The following CSPP1 variants were observed in gnomAD, a reference collection of about 807,000 sequenced individuals.
CSPP1 encodes centrosome and spindle pole associated protein 1, also known as centrosome and spindle pole-associated protein 1.
A neutral mutation model predicts 164.4 loss-of-function variants in CSPP1; 126 were observed. That is an observed-to-expected ratio of 0.77 (90% CI 0.66 to 0.89). The LOEUF (loss-of-function observed/expected upper bound fraction) is 0.89. CSPP1 is among the 40% of genes least tolerant of loss of function. The pLI is 0.00. For synonymous variants in CSPP1, 472 were observed against 476.7 expected (o/e 0.99, Z 0.13); for missense variants, 1,395 against 1,449.8 (o/e 0.96, Z 0.61).
intron 9 of CSPP1, among the ~76,000 whole-genome samples, chr8:67,110,645 T>G (rs1816665138): frequency 6.6e-6 from 1 of 152,164 alleles, no homozygotes; most frequent in South Asian, 2.1e-4. Flanking sequence ...CCTTCCTGAA[T>G]TTTGCTCTTT....
intron 17 of CSPP1, among the ~76,000 whole-genome samples, chr8:67,143,569 G>A (rs926508804): frequency 3.9e-5 from 6 of 151,988 alleles, no homozygotes; most frequent in African/African-American, 1.4e-4. Flanking sequence ...AGTGGGCAGT[G>A]TATATCCATT....
rs368343274 is a variant in CSPP1, at chr8:67,169,729, C to T, written c.2829-2687C>T. ...TGCTGGGATTACAGGTGTGAGCCAC[C>T]GTGCCCGGCCAGTACCATATTTCTT... On this transcript the variant is annotated intron_variant, in intron 24 of 30. Coordinates refer to ENST00000678616, the MANE Select transcript of CSPP1 (RefSeq NM_001382391.1). Among the ~76,000 whole-genome samples, 103 of 151,768 alleles carry T rather than the reference C, an allele frequency of 6.8e-4. 1 individual carries two copies. Among genetic ancestry groups the T allele is most frequent in the Middle Eastern group, 3.4e-3 (1 of 294 alleles).
At chr8:67,099,481 G>A (rs1008884143) in intron 7 of CSPP1, 1 of 152,116 alleles carries the variant, frequency 6.6e-6, no homozygotes, top group African/African-American at 2.4e-5. Flanking sequence ...GGGACAAACT[G>A]AACCTAAACA....
At chr8:67,119,844 T>G (rs1818646225) in intron 15 of CSPP1, among the ~76,000 whole-genome samples, 1 of 152,202 alleles carries the variant, frequency 6.6e-6, no homozygotes, top group Non-Finnish European at 1.5e-5. Context: ...GTCTTGATAT[T>G]GCCTTTTGAT....
intron 21 of CSPP1, among the ~76,000 whole-genome samples, chr8:67,159,371 T>G (rs774157922): frequency 8.5e-5 from 13 of 152,096 alleles, no homozygotes; most frequent in Non-Finnish European, 1.9e-4. Context: ...TGAGCCATTC[T>G]TAGTCTCATT....
At chr8:67,081,174 A>T (rs1201209101) in intron 3 of CSPP1, 1 of 132,494 alleles carries the variant, frequency 7.5e-6, no homozygotes, top group East Asian at 2.0e-4. Context: ...AATAATAAAG[A>T]CATTCCCATC....
At chr8:67,152,698 A>G (rs1825936483) in intron 18 of CSPP1, among the ~76,000 whole-genome samples, 2 of 152,208 alleles carry the variant, frequency 1.3e-5, no homozygotes, top group Admixed American at 6.5e-5. Flanking sequence ...CATAAAATTT[A>G]AAAGAGCCTT....
chr8:67,115,672 AAAAT>A (rs888686832), intron 12 of CSPP1, among the ~76,000 whole-genome samples: 7 of 152,244 alleles, frequency 4.6e-5, no homozygotes, highest in Admixed American at 6.5e-5. Flanking sequence ...CTCTGCCTCA[AAAAT>A]AAATAAATAA....
intron 9 of CSPP1, among the ~76,000 whole-genome samples, chr8:67,109,507 A>G (rs1028971082): frequency 6.6e-6 from 1 of 152,116 alleles, no homozygotes; most frequent in African/African-American, 2.4e-5. Context: ...ATCCTTCCAT[A>G]TTCTATTGTA....
intron 8 of CSPP1, 66 bp downstream of exon 8, chr8:67,103,201 T>A: frequency 2.2e-6 from 2 of 913,892 alleles, no homozygotes; most frequent in Non-Finnish European, 3.4e-6. Context: ...TGCCTAAAAC[T>A]GGCTAACTGA....
chr8:67,186,754 G>A (rs1834715029), intron 28 of CSPP1, among the ~76,000 whole-genome samples: 1 of 152,124 alleles, frequency 6.6e-6, no homozygotes, highest in Non-Finnish European at 1.5e-5. Flanking sequence ...CAGATGACAT[G>A]ATTGTCTATA....
intron 17 of CSPP1, among the ~76,000 whole-genome samples, chr8:67,148,120 T>C (rs1341900854): frequency 6.6e-6 from 1 of 152,016 alleles, no homozygotes; most frequent in African/African-American, 2.4e-5. Context: ...GATTTCACCA[T>C]GTTGCCCAGG....
chr8:67,159,942 C>T (rs1165296711), intron 21 of CSPP1, among the ~76,000 whole-genome samples: 12 of 34,470 alleles, frequency 3.5e-4, no homozygotes, highest in East Asian at 2.3e-3. Flanking sequence ...TCCTTCCTTC[C>T]TTCCTTCCTT....
intron 9 of CSPP1, among the ~76,000 whole-genome samples, chr8:67,111,035 A>G (rs746820093): frequency 4.6e-5 from 7 of 152,172 alleles, no homozygotes; most frequent in Non-Finnish European, 8.8e-5. Flanking sequence ...GCTGACATCT[A>G]TGCTTAATGG....
intron 28 of CSPP1, among the ~76,000 whole-genome samples, chr8:67,184,943 C>CAAAAAAA (rs796384901): frequency 5.3e-4 from 30 of 56,078 alleles, no homozygotes; most frequent in African/African-American, 8.9e-4. Flanking sequence ...ACTAAAAATA[C>CAAAAAAA]AAAAAAAAAA....
intron 22 of CSPP1, 100 bp downstream of exon 22, chr8:67,162,015 T>G: frequency 1.3e-6 from 1 of 771,526 alleles, no homozygotes; most frequent in South Asian, 1.7e-5. Context: ...TAGGTTAAAT[T>G]TTTTCAGATC....
At chr8:67,147,563 C>T (rs898908292) in intron 17 of CSPP1, among the ~76,000 whole-genome samples, 2 of 152,122 alleles carry the variant, frequency 1.3e-5, no homozygotes, top group South Asian at 4.2e-4. Flanking sequence ...CGCGCCCCAC[C>T]ACCCCATGCC....
rs1813180240 is a variant in CSPP1, at chr8:67,097,969, G to GT, written c.923+2243dup. ...TATATAAACTCTGACATCTCCAAGT[G>GT]TTTTTTCTTATGTGTCTCTTTAACA... On this transcript the variant is annotated intron_variant, in intron 7 of 30. Transcript: ENST00000678616. 3.4e-5 allele frequency among the ~76,000 whole-genome samples: 5 copies of GT among 148,336 alleles called. No homozygotes were observed. The South Asian group carries it at 1.1e-3, about 32-fold the overall frequency.
At chr8:67,127,726 A>G (rs1452454267) in intron 15 of CSPP1, among the ~76,000 whole-genome samples, 1 of 152,208 alleles carries the variant, frequency 6.6e-6, no homozygotes, top group Non-Finnish European at 1.5e-5. Flanking sequence ...CTCCAATAAG[A>G]TCCTTCATGC....
Sources: gnomAD v4.1 joint callset for allele counts (sites outside exome capture counted in the v4.1 genomes callset) on GRCh38, gnomAD v4.1.1 for gene constraint, MANE v1.5 for transcripts, NCBI Gene and HGNC (gene_info 2026-07-23, HGNC 2026-07-21) for gene names.